The following PARD3B variants were observed in gnomAD, a reference collection of about 807,000 sequenced individuals.
PARD3B encodes the protein par-3 family cell polarity regulator beta.
A neutral mutation model predicts 130.2 loss-of-function variants in PARD3B; 103 were observed. The observed-to-expected ratio is 0.79, with a 90% CI of 0.67 to 0.93. The LOEUF (loss-of-function observed/expected upper bound fraction) is 0.93, where lower values mean the gene tolerates loss of function less well. Ranked by LOEUF, PARD3B falls within the 40% of genes least tolerant of loss-of-function variation. The pLI is 0.00. For synonymous variants in PARD3B, 583 were observed against 553.2 expected (o/e 1.05, Z -0.76); for missense variants, 1,609 against 1,499.2 (o/e 1.07, Z -1.21).
At chr2:205,141,929 C>T (rs997543060) in intron 10 of PARD3B, among the ~76,000 whole-genome samples, 1 of 152,156 alleles carries the variant, frequency 6.6e-6, no homozygotes, top group Admixed American at 6.5e-5. Context: ...GAAGAAATAA[C>T]TGCAGGAGCA....
chr2:205,509,340 C>G (rs1449079008), intron 21 of PARD3B, among the ~76,000 whole-genome samples: 1 of 152,064 alleles, frequency 6.6e-6, no homozygotes, highest in African/African-American at 2.4e-5. Flanking sequence ...AAACAGGGAG[C>G]TATCTAACCC....
intron 20 of PARD3B, among the ~76,000 whole-genome samples, chr2:205,492,488 G>T (rs2049756012): frequency 6.6e-6 from 1 of 152,066 alleles, no homozygotes; most frequent in Non-Finnish European, 1.5e-5. Flanking sequence ...GGAATCTTTT[G>T]GCAAAAATAA....
At chr2:204,661,857 C>T (rs1049329909) in intron 1 of PARD3B, among the ~76,000 whole-genome samples, 1 of 151,392 alleles carries the variant, frequency 6.6e-6, no homozygotes, top group South Asian at 2.1e-4. Flanking sequence ...TCTTATATCT[C>T]CTTCTGCATT....
chr2:205,231,501 A>AT (rs1278709655), intron 15 of PARD3B, among the ~76,000 whole-genome samples: 4,840 of 130,620 alleles, frequency 0.037, 105 homozygotes, highest in Admixed American at 0.055. Context: ...TAATTTTTGT[A>AT]TTTTTTTTTT....
intron 1 of PARD3B, among the ~76,000 whole-genome samples, chr2:204,636,453 AGT>A (rs10596741): frequency 0.63 from 87,520 of 139,226 alleles, 30,447 homozygotes; most frequent in Non-Finnish European, 0.78. Flanking sequence ...AGGTCAGGTG[AGT>A]GTGTGTGTGT....
At chr2:204,735,172 A>G (rs1306712983) in intron 2 of PARD3B, among the ~76,000 whole-genome samples, 1 of 152,028 alleles carries the variant, frequency 6.6e-6, no homozygotes, top group Non-Finnish European at 1.5e-5. Context: ...CAAATTACTG[A>G]CTACCTTAAT....
At chr2:205,420,119 A>G (rs1340815527) in intron 19 of PARD3B, among the ~76,000 whole-genome samples, 1 of 151,984 alleles carries the variant, frequency 6.6e-6, no homozygotes, top group East Asian at 1.9e-4. Flanking sequence ...AAAAGTATCT[A>G]CTCTCTGTCT....
rs1021487696 is a variant in PARD3B, at chr2:205,289,994, T to C, written c.2186-10536T>C. Among the ~76,000 whole-genome samples the C allele has an allele frequency of 2.6e-5, 4 of 152,308 alleles. No homozygotes were observed. The East Asian group carries it at 5.8e-4, about 22-fold the overall frequency. On this transcript the variant is annotated intron_variant, in intron 16 of 22. Coordinates refer to ENST00000406610, the MANE Select transcript of PARD3B (RefSeq NM_001302769.2). ...TTACCCATTCTCAGGTATTCAGTTA[T>C]AGCAACAAAAAACGGACTAAGAGAA...
At chr2:204,882,777 C>A (rs2046104667) in intron 2 of PARD3B, among the ~76,000 whole-genome samples, 1 of 152,136 alleles carries the variant, frequency 6.6e-6, no homozygotes, top group Non-Finnish European at 1.5e-5. Context: ...ATTTAGATGG[C>A]TTTTCGGAGA....
chr2:204,950,997 C>T (rs893572240), intron 2 of PARD3B, among the ~76,000 whole-genome samples: 9 of 152,106 alleles, frequency 5.9e-5, no homozygotes, highest in Non-Finnish European at 1.3e-4. Context: ...ATTTTATATC[C>T]TCTAGCCAGC....
chr2:204,807,092 C>G (rs1336129294), intron 2 of PARD3B, among the ~76,000 whole-genome samples: 1 of 152,102 alleles, frequency 6.6e-6, no homozygotes, highest in Non-Finnish European at 1.5e-5. Flanking sequence ...GGGAACTGCC[C>G]TTTATAAAAC....
Position 205,309,546 on chromosome 2 carries a change from G to T in PARD3B, c.2630+7845G>T, listed in dbSNP as rs185628643. Among the ~76,000 whole-genome samples, 15 of 151,936 alleles carry T rather than the reference G, an allele frequency of 9.9e-5. No individual in the cohort carries two copies. Among genetic ancestry groups the T allele is most frequent in the Admixed American group, 9.2e-4 (14 of 15,230 alleles). ...ATTCTATATAAAGACATCCTGCTGT[G>T]AATTATTTTAAAAAGAACACTCCTA... On this transcript the variant is annotated intron_variant, in intron 18 of 22. Coordinates refer to ENST00000406610, the MANE Select transcript of PARD3B (RefSeq NM_001302769.2). The surrounding 1 kb of genome is among the most constrained non-coding windows in gnomAD (Gnocchi z 4.7).
In PARD3B at chr2:205,616,122, G is replaced by T. The variant is rs1575495770; in HGVS notation, c.*309G>T. The T allele has an allele frequency of 9.1e-6, 3 of 330,750 alleles. No individual in the cohort carries two copies. In the East Asian group the frequency reaches 1.8e-4, roughly 20 times the overall value. 20.5% of individuals were successfully genotyped at this position (330,750 alleles called of 1,614,324 possible). A position where few individuals can be genotyped will look rare whatever the true frequency, so the allele number is the denominator to read the frequency against. On this transcript the variant is annotated 3_prime_UTR_variant, in exon 23 of 23. Transcript: ENST00000406610. ...ACGGAACACACAAACAACTAATTAT[G>T]GAACTCTACTCTGGGGATCCTCTCT...
chr2:205,429,904 A>G (rs1050083711), intron 19 of PARD3B, among the ~76,000 whole-genome samples: 1 of 152,162 alleles, frequency 6.6e-6, no homozygotes, highest in Non-Finnish European at 1.5e-5. Flanking sequence ...GGCTGCCAGC[A>G]ATCCTGGGTG....
In PARD3B at chr2:205,104,510, T is replaced by G; in HGVS notation, c.589T>G (p.Leu197Val). 1.3e-6 allele frequency: 2 copies of G among 1,530,182 alleles called. No individual in the cohort carries two copies. The highest frequency in any genetic ancestry group is 2.2e-5 in the South Asian group (2 of 89,198). The allele number at this position is 1,530,182 out of a possible 1,614,324, so 94.8% of individuals were successfully genotyped here. A position where few individuals can be genotyped will look rare whatever the true frequency, so the allele number is the denominator to read the frequency against. ...AACTTCGCCAAGAACTAAGGACACA[T>G]TGAGGTATTCTCTTTATACAGATAA... ...LLTSPRTKDT[L>V]SDMTRTVEIS... Residue 197 changes from leucine to valine, a missense_variant, in exon 5 of 23, where the codon TTG becomes GTG. Coordinates refer to ENST00000406610, the MANE Select transcript of PARD3B (RefSeq NM_001302769.2).
chr2:205,077,546 A>T (rs1701142936), intron 4 of PARD3B, among the ~76,000 whole-genome samples: 1 of 152,188 alleles, frequency 6.6e-6, no homozygotes, highest in Non-Finnish European at 1.5e-5. Context: ...TGCATTCTGT[A>T]GTTCTGAGAG....
chr2:204,588,434 C>T (rs1466500635), intron 1 of PARD3B, among the ~76,000 whole-genome samples: 5 of 152,198 alleles, frequency 3.3e-5, no homozygotes, highest in Non-Finnish European at 7.3e-5. Flanking sequence ...AGCTTACCAT[C>T]ATTTAATGCT....
intron 11 of PARD3B, among the ~76,000 whole-genome samples, chr2:205,166,121 T>TC (rs2034801494): frequency 6.6e-6 from 1 of 152,160 alleles, no homozygotes; most frequent in Non-Finnish European, 1.5e-5. Context: ...CAACAGTGTA[T>TC]AGTGGACTAG....
At chr2:204,820,463 C>T (rs73066662) in intron 2 of PARD3B, among the ~76,000 whole-genome samples, 2 of 151,980 alleles carry the variant, frequency 1.3e-5, no homozygotes, top group Admixed American at 6.6e-5. Context: ...AGAAGTCAAT[C>T]CCTGGTTTCG....
Sources: allele counts gnomAD v4.1 joint callset (sites outside exome capture counted in the v4.1 genomes callset), GRCh38; gene constraint gnomAD v4.1.1; non-coding constraint Gnocchi (gnomAD v3.1); transcripts MANE v1.5; gene names NCBI Gene and HGNC (gene_info 2026-07-23, HGNC 2026-07-21).